The following BRINP3 variants were observed in gnomAD, a reference collection of about 807,000 sequenced individuals.
BRINP3 encodes the protein BMP/retinoic acid inducible neural specific 3, also known as BMP/retinoic acid-inducible neural-specific protein 3.
In BRINP3, 19 loss-of-function variants were observed where a neutral mutation model predicts 71.0. The observed-to-expected ratio is 0.27, with a 90% CI of 0.19 to 0.39. BRINP3 has a LOEUF of 0.39. Ranked by LOEUF, BRINP3 falls within the 10% of genes least tolerant of loss-of-function variation. BRINP3 has a pLI of 1.00. For missense variants in BRINP3, 959 were observed against 940.8 expected, an observed-to-expected ratio of 1.02 and a Z score of -0.25; for synonymous variants, 380 against 337.7, an observed-to-expected ratio of 1.13 and a Z score of -1.37.
intron 2 of BRINP3, among the ~76,000 whole-genome samples, chr1:190,352,691 T>C (rs1668468381): frequency 6.6e-6 from 1 of 152,034 alleles, no homozygotes; most frequent in Non-Finnish European, 1.5e-5. Context: ...CTGTCCCACT[T>C]AACATATTAT....
At position 190,389,125 on chromosome 1, in the gene BRINP3, TAAAG is replaced by T. The variant is rs1327325481; in HGVS notation, c.236+65526_236+65529del. Among the ~76,000 whole-genome samples, 7 of 151,644 alleles carry T rather than the reference TAAAG, an allele frequency of 4.6e-5. No individual in the cohort carries two copies. The East Asian group carries it at 1.4e-3, about 29-fold the overall frequency. ...AGGACAAATTTTATTTAGCAAAAAA[TAAAG>T]AAAAAATATTAAACACATATAATAA... On this transcript the variant is annotated intron_variant, in intron 2 of 7. Transcript: ENST00000367462.
intron 2 of BRINP3, among the ~76,000 whole-genome samples, chr1:190,395,330 C>A (rs1671499781): frequency 6.6e-6 from 1 of 151,700 alleles, no homozygotes; most frequent in South Asian, 2.1e-4. Context: ...TTGAAAATAG[C>A]AAAACCTCCA....
chr1:190,305,634 A>G (rs1449496357), intron 2 of BRINP3, among the ~76,000 whole-genome samples: 1 of 151,742 alleles, frequency 6.6e-6, no homozygotes, highest in African/African-American at 2.4e-5. Flanking sequence ...ACAACACCCC[A>G]GCTTCATAGG....
chr1:190,421,570 G>A (rs750675316), intron 2 of BRINP3, among the ~76,000 whole-genome samples: 6 of 151,380 alleles, frequency 4.0e-5, no homozygotes, highest in South Asian at 2.1e-4. Flanking sequence ...TATGAATATC[G>A]GCATCATTTC....
chr1:190,184,720 A>G (rs1295611263), intron 6 of BRINP3, among the ~76,000 whole-genome samples: 1 of 152,110 alleles, frequency 6.6e-6, no homozygotes, highest in Non-Finnish European at 1.5e-5. Flanking sequence ...GCAAAAATAG[A>G]TAGTGAGTAC....
chr1:190,269,999 C>T (rs2102893184), intron 3 of BRINP3, among the ~76,000 whole-genome samples: 1 of 152,058 alleles, frequency 6.6e-6, no homozygotes, highest in Non-Finnish European at 1.5e-5. Context: ...AACTAGGTTA[C>T]AACCATACGG....
At chr1:190,459,144 A>T (rs1447736738) in intron 1 of BRINP3, among the ~76,000 whole-genome samples, 3 of 151,498 alleles carry the variant, frequency 2.0e-5, no homozygotes, top group Non-Finnish European at 3.0e-5. Context: ...ACAAAAAAAA[A>T]AAAAAATAAC....
Position 190,098,802 on chromosome 1 carries a change from C to T in BRINP3, c.1517G>A (p.Arg506Lys). ...EMKYLLQKTD[R>K]RIEVHAIFIS... ...AAAAATGGCATGGACTTCTATTCGT[C>T]TGTCCGTTTTCTGCAGCAGATATTT... Residue 506 changes from arginine (R) to lysine (K), a missense_variant, in exon 8 of 8, where the codon AGA becomes AAA. Arg to Lys is a conservative substitution (Grantham distance 26). Transcript: ENST00000367462. 6.2e-7 allele frequency: 1 copy of T among 1,614,228 alleles called. No homozygotes were observed. Among genetic ancestry groups the T allele is most frequent in the Non-Finnish European group, 8.5e-7 (1 of 1,180,052 alleles).
chr1:190,245,039 G>T (rs972022366), intron 4 of BRINP3, among the ~76,000 whole-genome samples: 4 of 151,792 alleles, frequency 2.6e-5, no homozygotes, highest in African/African-American at 9.7e-5. Flanking sequence ...TAAATAATAG[G>T]ACAACTAATA....
chr1:190,323,099 T>C (rs1318559000), intron 2 of BRINP3, among the ~76,000 whole-genome samples: 1 of 152,048 alleles, frequency 6.6e-6, no homozygotes, highest in Non-Finnish European at 1.5e-5. Flanking sequence ...TATGGGTGTC[T>C]GGGTTCTCTA....
At chr1:190,173,516 C>T (rs1652214615) in intron 6 of BRINP3, among the ~76,000 whole-genome samples, 1 of 152,098 alleles carries the variant, frequency 6.6e-6, no homozygotes. Context: ...CTGGCACTAC[C>T]ACTTCATTGC....
intron 2 of BRINP3, among the ~76,000 whole-genome samples, chr1:190,289,647 A>G (rs1001527593): frequency 6.6e-6 from 1 of 152,004 alleles, no homozygotes; most frequent in African/African-American, 2.4e-5. Context: ...ACTGTCTTGT[A>G]TGGATTACAA....
At chr1:190,222,725 CA>C (rs1657003830) in intron 6 of BRINP3, among the ~76,000 whole-genome samples, 1 of 151,134 alleles carries the variant, frequency 6.6e-6, no homozygotes. Flanking sequence ...TAGAAAAATA[CA>C]TAAGATCAAT....
chr1:190,388,482 G>A (rs567464602), intron 2 of BRINP3, among the ~76,000 whole-genome samples: 1 of 151,906 alleles, frequency 6.6e-6, no homozygotes, highest in Admixed American at 6.6e-5. Flanking sequence ...CAGAGACACA[G>A]AGAGTGAATG....
intron 3 of BRINP3, among the ~76,000 whole-genome samples, chr1:190,273,050 T>A (rs980172496): frequency 7.9e-6 from 1 of 126,436 alleles, no homozygotes; most frequent in African/African-American, 2.6e-5. Context: ...CTGTAAGAGA[T>A]CTGTTTTTTT....
intron 7 of BRINP3, among the ~76,000 whole-genome samples, chr1:190,103,841 C>A (rs2102252902): frequency 6.6e-6 from 1 of 151,206 alleles, no homozygotes; most frequent in South Asian, 2.1e-4. Flanking sequence ...TGTCATAATA[C>A]ATCACTTCTG....
intron 1 of BRINP3, among the ~76,000 whole-genome samples, chr1:190,468,366 G>A (rs1303962633): frequency 6.6e-6 from 1 of 151,226 alleles, no homozygotes; most frequent in African/African-American, 2.4e-5. Flanking sequence ...AGCTATGAAT[G>A]ATAGGTTTAA....
intron 2 of BRINP3, among the ~76,000 whole-genome samples, chr1:190,290,044 C>T (rs1558149799): frequency 6.6e-6 from 1 of 151,956 alleles, no homozygotes; most frequent in Non-Finnish European, 1.5e-5. Context: ...AATGAAATAG[C>T]TACCTAAGTA....
chr1:190,394,692 G>A (rs190712448), intron 2 of BRINP3, among the ~76,000 whole-genome samples: 308 of 151,432 alleles, frequency 2.0e-3, no homozygotes, highest in Middle Eastern at 0.01. Flanking sequence ...CTATCTATAC[G>A]TTTTTTCTAA....
Sources: allele counts gnomAD v4.1 joint callset (sites outside exome capture counted in the v4.1 genomes callset), GRCh38; gene constraint gnomAD v4.1.1; transcripts MANE v1.5; gene names NCBI Gene and HGNC (gene_info 2026-07-23, HGNC 2026-07-21).